Variants in ADGRL3 observed in about 807,000 individuals in gnomAD.
The protein encoded by ADGRL3 is adhesion G protein-coupled receptor L3.
A neutral mutation model predicts 153.5 loss-of-function variants in ADGRL3; 62 were observed. The ratio of observed to expected loss-of-function variants is 0.40; its 90% confidence interval spans 0.33 to 0.50. The LOEUF (loss-of-function observed/expected upper bound fraction) is 0.50, where lower values mean the gene tolerates loss of function less well. ADGRL3 is among the 20% of genes least tolerant of loss of function. The pLI is 0.47. For missense variants in ADGRL3, 1,641 were observed against 1,859.4 expected (o/e 0.88, Z 2.16); for synonymous variants, 710 against 672.5 (o/e 1.06, Z -0.86).
intron 9 of ADGRL3, 62 bp downstream of exon 9, chr4:61,813,951 G>T: frequency 6.3e-7 from 1 of 1,587,394 alleles, no homozygotes; most frequent in South Asian, 1.1e-5. Flanking sequence ...AAGCAATGAT[G>T]GTTGTACATA....
intron 5 of ADGRL3, among the ~76,000 whole-genome samples, chr4:61,646,699 T>C (rs1302842974): frequency 6.6e-6 from 1 of 152,152 alleles, no homozygotes; most frequent in Non-Finnish European, 1.5e-5. Flanking sequence ...ACAGGGACAC[T>C]TAAGTCTGCA....
chr4:61,934,302 T>C (rs1295610937), intron 13 of ADGRL3, among the ~76,000 whole-genome samples: 1 of 152,198 alleles, frequency 6.6e-6, no homozygotes, highest in Non-Finnish European at 1.5e-5. Context: ...TGCTTTGATA[T>C]TTTCCCCATT....
chr4:61,878,947 C>T (rs1049292369), intron 9 of ADGRL3, among the ~76,000 whole-genome samples: 1 of 152,074 alleles, frequency 6.6e-6, no homozygotes, highest in Non-Finnish European at 1.5e-5. Flanking sequence ...GTTTGATCTT[C>T]TTCATATTGT....
intron 1 of ADGRL3, among the ~76,000 whole-genome samples, chr4:61,379,669 C>T (rs2151876255): frequency 6.6e-6 from 1 of 152,096 alleles, no homozygotes; most frequent in African/African-American, 2.4e-5. Context: ...GGTGATGCCA[C>T]ATAATATTGG....
chr4:61,666,441 T>C (rs1286396125), intron 5 of ADGRL3, among the ~76,000 whole-genome samples: 1 of 151,870 alleles, frequency 6.6e-6, no homozygotes, highest in East Asian at 1.9e-4. Flanking sequence ...ACATTCCTTG[T>C]CTCAGCCCAG....
intron 8 of ADGRL3, among the ~76,000 whole-genome samples, chr4:61,799,633 C>A (rs962520686): frequency 6.6e-6 from 1 of 151,998 alleles, no homozygotes; most frequent in Non-Finnish European, 1.5e-5. Context: ...GCCCAGCATG[C>A]CTCAGTTAAA....
At chr4:61,760,759 G>C (rs1201658828) in intron 8 of ADGRL3, among the ~76,000 whole-genome samples, 1 of 152,234 alleles carries the variant, frequency 6.6e-6, no homozygotes, top group East Asian at 1.9e-4. Context: ...CATGCTGGGA[G>C]CTCTAGACTG....
intron 4 of ADGRL3, among the ~76,000 whole-genome samples, chr4:61,547,156 T>G (rs2098717461): frequency 6.6e-6 from 1 of 152,180 alleles, no homozygotes; most frequent in Non-Finnish European, 1.5e-5. Context: ...TAATGTACAT[T>G]TCTGTATACA....
intron 1 of ADGRL3, among the ~76,000 whole-genome samples, chr4:61,308,314 A>G (rs2094875197): frequency 1.3e-5 from 2 of 152,300 alleles, no homozygotes; most frequent in Admixed American, 1.3e-4. Context: ...GTTCCTGAGA[A>G]TGGAAGGGTT....
At chr4:61,556,340 G>A (rs185743514) in intron 4 of ADGRL3, among the ~76,000 whole-genome samples, 1 of 152,088 alleles carries the variant, frequency 6.6e-6, no homozygotes, top group Non-Finnish European at 1.5e-5. Context: ...GAAGGAACAA[G>A]GAGTACAAAA....
At chr4:61,574,039 A>G (rs2149178043) in intron 4 of ADGRL3, among the ~76,000 whole-genome samples, 1 of 152,100 alleles carries the variant, frequency 6.6e-6, no homozygotes, top group African/African-American at 2.4e-5. Context: ...TTAAAGGGAA[A>G]TACTTTCATT....
At chr4:61,787,367 T>A (rs182427155) in intron 8 of ADGRL3, among the ~76,000 whole-genome samples, 5,933 of 150,994 alleles carry the variant, frequency 0.039, 168 homozygotes, top group African/African-American at 0.077. Flanking sequence ...ACTTTTTTTT[T>A]AAAAAAAAAG....
rs1747377190 is a variant in ADGRL3 at position 62,077,027 on chromosome 4, T to G, written c.*6119T>G. On this transcript the variant is annotated 3_prime_UTR_variant, in exon 27 of 27. Transcript: ENST00000683033. The stretch of plus-strand genomic sequence containing the variant: ...CAAATAACCACTCTGCTCCAAATAT[T>G]ACTCTCAAGTTCTCTGCCTTTAATT... The G allele has an allele frequency of 6.6e-6, 1 of 151,826 alleles. No individual in the cohort carries two copies. Among genetic ancestry groups the G allele is most frequent in the African/African-American group, 2.4e-5 (1 of 41,402 alleles). 9.4% of individuals were successfully genotyped at this position (151,826 alleles called of 1,614,324 possible).
chr4:61,539,083 C>T (rs2098674421), intron 4 of ADGRL3, among the ~76,000 whole-genome samples: 1 of 152,212 alleles, frequency 6.6e-6, no homozygotes, highest in African/African-American at 2.4e-5. Context: ...GAGCCCCTTC[C>T]CCTAGTCCAG....
At chr4:61,460,399 A>G (rs1220093464) in intron 2 of ADGRL3, among the ~76,000 whole-genome samples, 4 of 152,158 alleles carry the variant, frequency 2.6e-5, no homozygotes, top group Non-Finnish European at 5.9e-5. Flanking sequence ...ATTTGCAGCA[A>G]CATAGATGGA....
intron 8 of ADGRL3, among the ~76,000 whole-genome samples, chr4:61,783,797 A>G (rs1008319351): frequency 1.3e-5 from 2 of 152,084 alleles, no homozygotes; most frequent in African/African-American, 4.8e-5. Context: ...ACAAAATAAT[A>G]TACATCTTAT....
At chr4:61,430,971 T>C (rs774631336) in intron 2 of ADGRL3, among the ~76,000 whole-genome samples, 12 of 152,122 alleles carry the variant, frequency 7.9e-5, no homozygotes, top group Non-Finnish European at 1.6e-4. Flanking sequence ...ATAATCAATG[T>C]CTTTGATGTA....
chr4:61,688,284 G>C (rs991407685), intron 6 of ADGRL3, among the ~76,000 whole-genome samples: 12 of 151,940 alleles, frequency 7.9e-5, no homozygotes, highest in Non-Finnish European at 1.3e-4. Flanking sequence ...TCTTTTTTAG[G>C]TCTGACCACA....
Position 61,842,653 on chromosome 4 carries a change from A to T in ADGRL3, c.1480+28764A>T, listed in dbSNP as rs554513855. Among the ~76,000 whole-genome samples the T allele has an allele frequency of 8.5e-5, 13 of 152,298 alleles. No homozygotes were observed. In the East Asian group the frequency reaches 2.5e-3, roughly 29 times the overall value. ...AAAAAAATCGACTATGTCACTAAGA[A>T]AATCAGAATCTTATTAATGTATTGA... On this transcript the variant is annotated intron_variant, in intron 9 of 26. Transcript: ENST00000683033.
Sources: allele counts gnomAD v4.1 joint callset (sites outside exome capture counted in the v4.1 genomes callset), GRCh38; gene constraint gnomAD v4.1.1; transcripts MANE v1.5; gene names NCBI Gene and HGNC (gene_info 2026-07-23, HGNC 2026-07-21).